The following PAXBP1 variants were observed in gnomAD, a reference collection of about 807,000 sequenced individuals.
PAXBP1 encodes the protein PAX3- and PAX7-binding protein 1.
In PAXBP1, 44 loss-of-function variants were observed where a neutral mutation model predicts 119.9. The observed-to-expected ratio is 0.37, with a 90% CI of 0.29 to 0.47. The LOEUF is 0.47. PAXBP1 is among the 20% of genes least tolerant of loss of function. The pLI is 0.99. For missense variants in PAXBP1, 898 were observed against 1,134.1 expected (o/e 0.79, Z 2.99); for synonymous variants, 393 against 406.6 (o/e 0.97, Z 0.40).
intron 10 of PAXBP1, 29 bp from the exon 11 acceptor site, chr21:32,748,727 C>T: frequency 1.3e-6 from 2 of 1,580,954 alleles, no homozygotes; most frequent in Non-Finnish European, 1.7e-6. Context: ...CACAGAGAAC[C>T]ATACATTAGT....
chr21:32,756,139 A>C (rs532689618), intron 7 of PAXBP1: 30 of 316,514 alleles, frequency 9.5e-5, no homozygotes, highest in South Asian at 6.6e-4. Flanking sequence ...ATTCATATAG[A>C]ATACAAAAGA....
Position 32,743,369 on chromosome 21 carries a change from A to G in PAXBP1, c.2268-55T>C, listed in dbSNP as rs928692436. Reference sequence around the variant, plus strand: ...ATCAGATATTTTATATGTAGGTGCCATATGATTCCTGGACAAAAGATTTTT... The same window carrying G: ...ATCAGATATTTTATATGTAGGTGCCGTATGATTCCTGGACAAAAGATTTTT... On this transcript the variant is annotated intron_variant, in intron 14 of 17. Coordinates refer to ENST00000331923, the MANE Select transcript of PAXBP1 (RefSeq NM_016631.4). 2.5e-6 allele frequency: 3 copies of G among 1,200,884 alleles called. No individual in the cohort carries two copies. In the Admixed American group the frequency reaches 8.1e-5, roughly 32 times the overall value. The allele number at this position is 1,200,884 out of a possible 1,614,324, so 74.4% of individuals were successfully genotyped here. A position where few individuals can be genotyped will look rare whatever the true frequency, so the allele number is the denominator to read the frequency against.
At chr21:32,762,450 A>G in intron 3 of PAXBP1, 133 bp from the exon 4 acceptor site, 1 of 1,217,980 alleles carries the variant, frequency 8.2e-7, no homozygotes, top group Non-Finnish European at 1.1e-6. Flanking sequence ...TCCTTCCCAT[A>G]CTATGTCTGC....
chr21:32,759,764 T>C lies in PAXBP1; in HGVS notation c.1193+13A>G. The stretch of plus-strand genomic sequence containing the variant: ...GCTAGCGGACAGGTCTTTAAGAAGT[T>C]GATCTGCCCTACCTGTCTTTAAGCT... On this transcript the variant is annotated intron_variant, in intron 6 of 17. Coordinates refer to ENST00000331923, the MANE Select transcript of PAXBP1 (RefSeq NM_016631.4). 1 of 1,601,974 alleles carries C rather than the reference T, an allele frequency of 6.2e-7. No individual in the cohort carries two copies. The highest frequency in any genetic ancestry group is 8.5e-7 in the Non-Finnish European group (1 of 1,169,628).
chr21:32,765,047 A>G (rs902646295), intron 2 of PAXBP1, among the ~76,000 whole-genome samples: 4 of 152,122 alleles, frequency 2.6e-5, no homozygotes, highest in Non-Finnish European at 4.4e-5. Context: ...CTTGTCACCT[A>G]TCACCTAAAG....
At chr21:32,749,229 C>G (rs1372103446) in intron 10 of PAXBP1, among the ~76,000 whole-genome samples, 1 of 150,294 alleles carries the variant, frequency 6.7e-6, no homozygotes, top group Non-Finnish European at 1.5e-5. Context: ...GATTCTCACT[C>G]TGTCACCCAG....
intron 13 of PAXBP1, among the ~76,000 whole-genome samples, chr21:32,744,584 C>T (rs931550745): frequency 6.6e-6 from 1 of 151,470 alleles, no homozygotes; most frequent in African/African-American, 2.4e-5. Flanking sequence ...TGAAAACTAA[C>T]ATCTCTCTGC....
intron 13 of PAXBP1, among the ~76,000 whole-genome samples, chr21:32,744,118 C>T (rs1174237048): frequency 6.6e-6 from 1 of 152,062 alleles, no homozygotes; most frequent in Non-Finnish European, 1.5e-5. Flanking sequence ...AGTTTGGCAA[C>T]TAGTTATAAA....
At chr21:32,736,390 T>G (rs2043693354) in intron 17 of PAXBP1, among the ~76,000 whole-genome samples, 2 of 152,084 alleles carry the variant, frequency 1.3e-5, no homozygotes, top group Admixed American at 6.6e-5. Context: ...GGTTTCACCA[T>G]GTTGGCCAGG....
intron 17 of PAXBP1, among the ~76,000 whole-genome samples, chr21:32,736,881 T>C (rs918924123): frequency 2.0e-5 from 3 of 152,152 alleles, no homozygotes; most frequent in Admixed American, 1.3e-4. Context: ...TAGTTCATAA[T>C]ATTGATTAAA....
chr21:32,747,815 T>C (rs974733339), intron 11 of PAXBP1, among the ~76,000 whole-genome samples: 2 of 150,486 alleles, frequency 1.3e-5, no homozygotes, highest in Non-Finnish European at 3.0e-5. Flanking sequence ...TTGTGGCAGG[T>C]CTTGTTCTAT....
At chr21:32,743,032 T>A (rs1375432958) in intron 15 of PAXBP1, 1 of 651,196 alleles carries the variant, frequency 1.5e-6, no homozygotes, top group South Asian at 1.5e-5. Flanking sequence ...TTGAGTACGA[T>A]GGACCTTACT....
At chr21:32,751,802 A>T (rs369077551) in intron 8 of PAXBP1, 2 of 152,216 alleles carry the variant, frequency 1.3e-5, no homozygotes, top group African/African-American at 4.8e-5. Flanking sequence ...TCTCTTTCAC[A>T]GCATAGTTTT....
At position 32,734,788 on chromosome 21, in the gene PAXBP1, T is replaced by C. The variant is rs1337535219; in HGVS notation, c.*162A>G. 1 of 648,290 alleles carries C rather than the reference T, an allele frequency of 1.5e-6. No individual in the cohort carries two copies. The highest frequency in any genetic ancestry group is 2.8e-5 in the East Asian group (1 of 36,156). 40.2% of individuals were successfully genotyped at this position (648,290 alleles called of 1,614,324 possible). On this transcript the variant is annotated 3_prime_UTR_variant, in exon 18 of 18. Transcript: ENST00000331923. The stretch of plus-strand genomic sequence containing the variant: ...GACTCCTAGAAATAATCTGAATTCC[T>C]TTCATTCTGAAGAAATATCATTTAA...
chr21:32,760,310 G>A (rs1395992565), intron 5 of PAXBP1, among the ~76,000 whole-genome samples: 1 of 152,024 alleles, frequency 6.6e-6, no homozygotes, highest in Admixed American at 6.5e-5. Context: ...CAGAATCAAT[G>A]GGCAACCAGA....
Position 32,745,599 on chromosome 21 carries a change from T to C in PAXBP1, c.2043A>G (p.Glu681=), listed in dbSNP as rs1388956864. 6.2e-7 allele frequency: 1 copy of C among 1,613,946 alleles called. No individual in the cohort carries two copies. Among genetic ancestry groups the C allele is most frequent in the Non-Finnish European group, 8.5e-7 (1 of 1,179,928 alleles). Residue 681 remains glutamate, a synonymous_variant, in exon 12 of 18, where the codon GAA becomes GAG. Transcript: ENST00000331923. ...CTGTTAGTTTAGGAAGAATCACCTT[T>C]TCCACAATGGTAGGTAGTAGGGCAA... is the stretch of plus-strand genomic sequence containing the variant. The part of the protein sequence containing the change: ...VDVALLPTIV[E]KVILPKLTVI...
chr21:32,750,366 G>A (rs1447673916), intron 10 of PAXBP1, among the ~76,000 whole-genome samples: 2 of 152,112 alleles, frequency 1.3e-5, no homozygotes, highest in Non-Finnish European at 2.9e-5. Context: ...AATGTTCACT[G>A]TAAAAAAAGT....
intron 2 of PAXBP1, among the ~76,000 whole-genome samples, chr21:32,766,396 G>T (rs2044241846): frequency 6.6e-6 from 1 of 151,978 alleles, no homozygotes; most frequent in Non-Finnish European, 1.5e-5. Flanking sequence ...CTTTTTCAAG[G>T]CTCCACTCAT....
chr21:32,735,064 T>C lies in PAXBP1; in HGVS notation c.2640A>G (p.Glu880=), dbSNP rs767406461. 2 of 1,609,248 alleles carry C rather than the reference T, an allele frequency of 1.2e-6. No individual in the cohort carries two copies. The highest frequency in any genetic ancestry group is 4.5e-5 in the East Asian group (2 of 44,790). ...GGAGTTTTACTATCTGTTTTATGTT[T>C]TCCCTAAAAGAAAAAAATATAGCAG... ...CSDVEKRNAR[E]NIKQIVKLLA... Residue 880 remains glutamate, a synonymous_variant, in exon 18 of 18, where the codon GAA becomes GAG. Coordinates refer to ENST00000331923, the MANE Select transcript of PAXBP1 (RefSeq NM_016631.4).
Sources: gnomAD v4.1 joint callset for allele counts (sites outside exome capture counted in the v4.1 genomes callset) on GRCh38, gnomAD v4.1.1 for gene constraint, MANE v1.5 for transcripts, NCBI Gene and HGNC (gene_info 2026-07-23, HGNC 2026-07-21) for gene names.